The following TEX9 variants were observed in gnomAD, a reference collection of about 807,000 sequenced individuals.
TEX9 encodes testis expressed 9, also known as testis-expressed protein 9.
A neutral mutation model predicts 59.6 loss-of-function variants in TEX9; 74 were observed. That is an observed-to-expected ratio of 1.24 (90% CI 1.03 to 1.51). The LOEUF is 1.51. Among genes scored for constraint, TEX9 ranks in the 40% most tolerant of loss-of-function variants. The pLI, the probability that TEX9 is intolerant of heterozygous loss-of-function variation, is 0.00. For missense variants in TEX9, 522 were observed against 447.8 expected (o/e 1.17, Z -1.49); for synonymous variants, 186 against 152.2 (o/e 1.22, Z -1.64).
intron 1 of TEX9, among the ~76,000 whole-genome samples, chr15:56,355,963 G>T (rs1347673578): frequency 6.6e-6 from 1 of 151,966 alleles, no homozygotes; most frequent in Non-Finnish European, 1.5e-5. Flanking sequence ...ATGGTATATA[G>T]AAGTATAATT....
intron 1 of TEX9, among the ~76,000 whole-genome samples, chr15:56,359,779 A>C (rs1201161552): frequency 6.6e-6 from 1 of 152,062 alleles, no homozygotes; most frequent in Non-Finnish European, 1.5e-5. Flanking sequence ...AGAACTTCAG[A>C]TGTAATATTA....
intron 1 of TEX9, chr15:56,274,619 T>C (rs2044626655): frequency 6.6e-6 from 1 of 152,204 alleles, no homozygotes; most frequent in Admixed American, 6.5e-5. Flanking sequence ...TTAGTGTATG[T>C]ACTGCCAAAG....
chr15:56,421,338 G>A (rs1247431112), intron 10 of TEX9, among the ~76,000 whole-genome samples: 1 of 151,836 alleles, frequency 6.6e-6, no homozygotes, highest in Non-Finnish European at 1.5e-5. Flanking sequence ...TACAGGTTGA[G>A]TATCCCTTAT....
At chr15:56,302,157 A>T (rs1211222463) in intron 1 of TEX9, among the ~76,000 whole-genome samples, 1 of 152,072 alleles carries the variant, frequency 6.6e-6, no homozygotes, top group Admixed American at 6.6e-5. Flanking sequence ...GGGTTATAAG[A>T]TGTTATTTCC....
intron 10 of TEX9, among the ~76,000 whole-genome samples, chr15:56,423,601 C>T (rs1410565535): frequency 6.6e-6 from 1 of 151,988 alleles, no homozygotes; most frequent in African/African-American, 2.4e-5. Context: ...CAAAGTTGTG[C>T]AACCATCACC....
At chr15:56,244,545 G>C (rs753411591) in intron 1 of TEX9, among the ~76,000 whole-genome samples, 66 of 151,888 alleles carry the variant, frequency 4.3e-4, no homozygotes, top group Non-Finnish European at 7.5e-4. Context: ...TTCTTCCTTC[G>C]TGCCTTTGCT....
chr15:56,433,633 C>T (rs900415554), intron 12 of TEX9, among the ~76,000 whole-genome samples: 1 of 152,030 alleles, frequency 6.6e-6, no homozygotes, highest in Non-Finnish European at 1.5e-5. Context: ...TCCCTATCTC[C>T]GAGCTTACTC....
chr15:56,271,815 A>G (rs1388953610), intron 1 of TEX9, among the ~76,000 whole-genome samples: 7 of 152,240 alleles, frequency 4.6e-5, no homozygotes, highest in Non-Finnish European at 8.8e-5. Context: ...GAAAAAATTC[A>G]TATAAAAGTC....
chr15:56,285,479 G>T (rs1462100913), intron 1 of TEX9, among the ~76,000 whole-genome samples: 1 of 152,044 alleles, frequency 6.6e-6, no homozygotes, highest in Non-Finnish European at 1.5e-5. Flanking sequence ...CCTCCCATTT[G>T]GGATTTGACT....
In TEX9 at chr15:56,426,589, GTATATA is replaced by G. The variant is rs71110391; in HGVS notation, c.964-983_964-978del. On this transcript the variant is annotated intron_variant, in intron 10 of 12. Coordinates refer to ENST00000352903, the Ensembl canonical transcript of TEX9. ...TTTTTTTTTTTTTTTTTGAAAAGGTGTATATATATATATATATATATATATATATAT... is the reference window on the plus strand; with the variant it reads ...TTTTTTTTTTTTTTTTTGAAAAGGTGTATATATATATATATATATATATAT... 9.0e-3 allele frequency among the ~76,000 whole-genome samples: 219 copies of G among 24,324 alleles called. 11 individuals are homozygous for G. The highest frequency in any genetic ancestry group is 0.021 in the East Asian group (17 of 818). The allele number at this position is 24,324 out of a possible 152,430, so 16.0% of individuals were successfully genotyped here.
At chr15:56,338,415 G>A (rs2046300561) in intron 1 of TEX9, among the ~76,000 whole-genome samples, 1 of 152,150 alleles carries the variant, frequency 6.6e-6, no homozygotes, top group Non-Finnish European at 1.5e-5. Context: ...GTTTTGGGTG[G>A]TGCAGTATAT....
Position 56,283,832 on chromosome 15 carries a change from C to T in TEX9, c.-107+39554C>T, listed in dbSNP as rs16976846. Among the ~76,000 whole-genome samples, 1,356 of 151,966 alleles carry T rather than the reference C, an allele frequency of 8.9e-3. 19 individuals carry two copies. The highest frequency in any genetic ancestry group is 0.029 in the African/African-American group (1,212 of 41,454). The stretch of plus-strand genomic sequence containing the variant: ...AAAAAAATCACAATTAATTTGGTAA[C>T]GCTGATATAAATTTGTTGAAACACT... On this transcript the variant is annotated intron_variant, in intron 1 of 5. Coordinates refer to the TEX9 transcript ENST00000560827.
At chr15:56,268,705 T>C (rs1381042597) in intron 1 of TEX9, among the ~76,000 whole-genome samples, 2 of 151,512 alleles carry the variant, frequency 1.3e-5, no homozygotes, top group African/African-American at 2.4e-5. Context: ...AGCTTTTTGA[T>C]GTGCTGCTGG....
At chr15:56,296,520 A>G (rs2045222460) in intron 1 of TEX9, among the ~76,000 whole-genome samples, 1 of 152,216 alleles carries the variant, frequency 6.6e-6, no homozygotes, top group African/African-American at 2.4e-5. Context: ...TTTAAAAAGA[A>G]TTATTAATGT....
chr15:56,271,840 T>C (rs193010560), intron 1 of TEX9, among the ~76,000 whole-genome samples: 61 of 152,274 alleles, frequency 4.0e-4, no homozygotes, highest in African/African-American at 1.4e-3. Flanking sequence ...TTTAAAACAT[T>C]TTAAAAATGT....
intron 2 of TEX9, among the ~76,000 whole-genome samples, chr15:56,367,447 G>C (rs1310824637): frequency 6.6e-6 from 1 of 152,160 alleles, no homozygotes; most frequent in Non-Finnish European, 1.5e-5. Context: ...AAAACCTTTT[G>C]CAGTTCTGCT....
intron 9 of TEX9, among the ~76,000 whole-genome samples, chr15:56,401,535 A>G (rs1423340259): frequency 6.6e-6 from 1 of 152,130 alleles, no homozygotes; most frequent in Non-Finnish European, 1.5e-5. Context: ...CTACCACACA[A>G]TAATAATGGG....
chr15:56,388,974 T>C (rs1375725143), intron 5 of TEX9, among the ~76,000 whole-genome samples: 2 of 152,042 alleles, frequency 1.3e-5, no homozygotes, highest in Middle Eastern at 3.2e-3. Context: ...ACTGTATACC[T>C]GAAGGCCACG....
chr15:56,265,251 G>A (rs1259483904), intron 1 of TEX9, among the ~76,000 whole-genome samples: 15 of 150,064 alleles, frequency 1.0e-4, no homozygotes, highest in Admixed American at 3.3e-4. Context: ...CTGTAACCTT[G>A]AACTCCTGGA....
Sources: gnomAD v4.1 joint callset for allele counts (sites outside exome capture counted in the v4.1 genomes callset) on GRCh38, gnomAD v4.1.1 for gene constraint, MANE v1.5 for transcripts, NCBI Gene and HGNC (gene_info 2026-07-23, HGNC 2026-07-21) for gene names.